The following CDHR3 variants were observed in gnomAD, a reference collection of about 807,000 sequenced individuals.
CDHR3 encodes cadherin related family member 3, also known as cadherin-related family member 3.
In CDHR3, 79 loss-of-function variants were observed where a neutral mutation model predicts 86.6. The ratio of observed to expected loss-of-function variants is 0.91; its 90% CI spans 0.76 to 1.10. CDHR3 has a LOEUF of 1.10. Ranked by LOEUF, CDHR3 falls within the 50% of genes least tolerant of loss-of-function variation. The probability of loss-of-function intolerance (pLI) is 0.00; values close to 1 mark genes in which losing one functional copy is unlikely to be tolerated. For missense variants in CDHR3, 1,081 were observed against 1,077.6 expected, an observed-to-expected ratio of 1.00 and a Z score of -0.04; for synonymous variants, 421 against 402.4, an observed-to-expected ratio of 1.05 and a Z score of -0.55.
At chr7:105,998,753 C>T (rs1191820088) in intron 6 of CDHR3, among the ~76,000 whole-genome samples, 1 of 151,538 alleles carries the variant, frequency 6.6e-6, no homozygotes, top group Non-Finnish European at 1.5e-5. Flanking sequence ...CATTGCACTC[C>T]AACCTGGGCA....
intron 1 of CDHR3, among the ~76,000 whole-genome samples, chr7:105,972,878 C>G (rs1027478681): frequency 6.6e-6 from 1 of 152,194 alleles, no homozygotes; most frequent in Admixed American, 6.5e-5. Flanking sequence ...ATTTTAGCCT[C>G]TAAACTAAAT....
intron 11 of CDHR3, 132 bp downstream of exon 11, chr7:106,016,157 A>G (rs1380682957): frequency 1.6e-5 from 10 of 609,576 alleles, no homozygotes; most frequent in Non-Finnish European, 2.9e-5. Flanking sequence ...GCTGATTAGT[A>G]TTTATTGCAC....
chr7:106,015,295 T>C, intron 10 of CDHR3, 82 bp downstream of exon 10: 5 of 1,229,410 alleles, frequency 4.1e-6, no homozygotes, highest in Non-Finnish European at 5.8e-6. Flanking sequence ...CTAGGTATTG[T>C]GCTAGGTCCC....
chr7:106,020,372 G>C lies in CDHR3; in HGVS notation c.1654-1G>C, dbSNP rs1180040296. On this transcript the variant is annotated splice_acceptor_variant, in intron 12 of 18. Coordinates refer to ENST00000317716, the MANE Select transcript of CDHR3 (RefSeq NM_152750.5). LOFTEE classifies it high-confidence loss of function. The stretch of plus-strand genomic sequence containing the variant: ...GAATGACCACCTTCTTGCTACTCTA[G>C]GTTACTGTGAACATCCTTGAAGAAA... 2.5e-6 allele frequency: 4 copies of C among 1,603,374 alleles called. No homozygotes were observed. The highest frequency in any genetic ancestry group is 3.4e-6 in the Non-Finnish European group (4 of 1,174,494).
chr7:106,013,516 A>G (rs1231114039), intron 9 of CDHR3, among the ~76,000 whole-genome samples: 1 of 152,214 alleles, frequency 6.6e-6, no homozygotes, highest in African/African-American at 2.4e-5. Flanking sequence ...AAGGGACAAA[A>G]GCTGCATTGG....
intron 4 of CDHR3, among the ~76,000 whole-genome samples, chr7:105,987,796 C>T (rs556099158): frequency 2.0e-5 from 3 of 152,346 alleles, no homozygotes; most frequent in South Asian, 2.1e-4. Flanking sequence ...CTGGAGTTTT[C>T]GAGTCTGAGT....
intron 18 of CDHR3, among the ~76,000 whole-genome samples, chr7:106,031,104 G>A (rs1838280657): frequency 1.3e-5 from 2 of 152,190 alleles, no homozygotes; most frequent in Non-Finnish European, 2.9e-5. Flanking sequence ...CAAGGGCCAT[G>A]CCTCTTTCTT....
chr7:105,985,015 C>T (rs752702262), intron 4 of CDHR3, among the ~76,000 whole-genome samples: 10 of 150,084 alleles, frequency 6.7e-5, no homozygotes, highest in Non-Finnish European at 8.8e-5. Context: ...GCTATGATCA[C>T]GTCACTACAC....
chr7:106,016,538 C>T lies in CDHR3; in HGVS notation c.1426+513C>T, dbSNP rs532705116. On this transcript the variant is annotated intron_variant, in intron 11 of 18. Transcript: ENST00000317716. ...CTCCTCCCCCTTTAAGGAAAAGACT[C>T]ACTCCCCACTTCCAGCTTCACTTTC... Among the ~76,000 whole-genome samples, 359 of 152,226 alleles carry T rather than the reference C, an allele frequency of 2.4e-3. 2 individuals carry two copies. Among genetic ancestry groups the T allele is most frequent in the African/African-American group, 8.2e-3 (340 of 41,536 alleles).
chr7:105,999,842 G>A (rs892279894), intron 6 of CDHR3, among the ~76,000 whole-genome samples: 6 of 152,238 alleles, frequency 3.9e-5, no homozygotes, highest in African/African-American at 1.4e-4. Flanking sequence ...CAGCTCCCTG[G>A]TGATGCTTTT....
chr7:105,969,462 T>C (rs1173436444), intron 1 of CDHR3, among the ~76,000 whole-genome samples: 1 of 150,810 alleles, frequency 6.6e-6, no homozygotes, highest in Non-Finnish European at 1.5e-5. Flanking sequence ...TTCTGAATGG[T>C]TTGTAGCAGC....
At chr7:106,014,442 AG>A (rs1835265577) in intron 9 of CDHR3, among the ~76,000 whole-genome samples, 3 of 152,246 alleles carry the variant, frequency 2.0e-5, no homozygotes, top group African/African-American at 7.2e-5. Flanking sequence ...AAATAGAAAA[AG>A]TATAACAAAA....
intron 1 of CDHR3, among the ~76,000 whole-genome samples, chr7:105,965,946 ATCT>A (rs1051481367): frequency 2.1e-4 from 32 of 152,224 alleles, no homozygotes; most frequent in African/African-American, 7.2e-4. Context: ...AGAGCTTTAG[ATCT>A]TCTTCCTGCT....
rs1016027879 is a variant in CDHR3 at position 106,034,957 on chromosome 7, T to G, written c.*2260T>G. Reference sequence around the variant, plus strand: ...AGCTGGACGTGTTAGCAGGCACCTGTAATCCCAGCTACTCAGGAGGCTGAG... The same window carrying G: ...AGCTGGACGTGTTAGCAGGCACCTGGAATCCCAGCTACTCAGGAGGCTGAG... On this transcript the variant is annotated 3_prime_UTR_variant, in exon 19 of 19. Coordinates refer to ENST00000317716, the MANE Select transcript of CDHR3 (RefSeq NM_152750.5). Among the ~76,000 whole-genome samples the G allele has an allele frequency of 2.6e-5, 4 of 151,988 alleles. No homozygotes were observed. Among genetic ancestry groups the G allele is most frequent in the South Asian group, 4.1e-4 (2 of 4,824 alleles).
intron 1 of CDHR3, among the ~76,000 whole-genome samples, chr7:105,964,448 C>T (rs890281434): frequency 1.3e-5 from 2 of 151,900 alleles, no homozygotes; most frequent in African/African-American, 4.8e-5. Flanking sequence ...GTCTATAGCT[C>T]CTATTTTTTT....
intron 4 of CDHR3, among the ~76,000 whole-genome samples, chr7:105,988,919 A>C (rs1397573934): frequency 6.6e-6 from 1 of 152,138 alleles, no homozygotes; most frequent in Non-Finnish European, 1.5e-5. Context: ...CTTTTTCCAT[A>C]CTCGGTGTCC....
intron 8 of CDHR3, among the ~76,000 whole-genome samples, chr7:106,011,537 G>A (rs771411087): frequency 2.0e-5 from 3 of 152,190 alleles, no homozygotes; most frequent in Non-Finnish European, 4.4e-5. Flanking sequence ...AGTGACCACA[G>A]AGACCAGCTA....
intron 5 of CDHR3, 100 bp downstream of exon 5, chr7:105,994,945 G>A: frequency 3.3e-6 from 3 of 896,894 alleles, no homozygotes; most frequent in Non-Finnish European, 5.4e-6. Flanking sequence ...GCTGGGGGGA[G>A]CCCCTTGAGC....
At chr7:105,973,091 T>C (rs1828225059) in intron 1 of CDHR3, among the ~76,000 whole-genome samples, 1 of 152,096 alleles carries the variant, frequency 6.6e-6, no homozygotes, top group Admixed American at 6.5e-5. Flanking sequence ...GCCTCCTACT[T>C]GTTCAGGGTT....
Sources: allele counts gnomAD v4.1 joint callset (sites outside exome capture counted in the v4.1 genomes callset), GRCh38; gene constraint gnomAD v4.1.1; transcripts MANE v1.5; gene names NCBI Gene and HGNC (gene_info 2026-07-23, HGNC 2026-07-21).